LARS1: variants seen among roughly 807,000 people sequenced by gnomAD.
LARS1 encodes leucyl-tRNA synthetase 1.
Under a neutral mutation model 162.8 loss-of-function variants are expected in LARS1, and 100 were observed. The observed-to-expected ratio is 0.61, with a 90% CI of 0.52 to 0.73. LARS1 has a LOEUF of 0.73. Ranked by LOEUF, LARS1 falls within the 30% of genes least tolerant of loss-of-function variation. The pLI, the probability that LARS1 is intolerant of heterozygous loss-of-function variation, is 0.00. For synonymous variants in LARS1, 457 were observed against 462.8 expected (o/e 0.99, Z 0.16); for missense variants, 1,258 against 1,408.9 (o/e 0.89, Z 1.71).
In LARS1 at chr5:146,160,469, G is replaced by A; in HGVS notation, c.612C>T (p.Ser204=). The stretch of plus-strand genomic sequence containing the variant: ...AAGGATTAACATCAGTGGTGATGAA[G>A]GAACGACGCCAGTCTACCTATAAAA... ...RMGLKVDWRR[S]FITTDVNPYY... The change falls in exon 7 of 32, where the codon TCC becomes TCT. Residue 204 remains serine (S), a synonymous_variant. Coordinates refer to ENST00000394434, the MANE Select transcript of LARS1 (RefSeq NM_020117.11). The A allele has an allele frequency of 2.6e-6, 4 of 1,551,446 alleles. No homozygotes were observed. The highest frequency in any genetic ancestry group is 2.5e-5 in the East Asian group (1 of 40,142).
chr5:146,148,841 C>T (rs567220009), intron 15 of LARS1, among the ~76,000 whole-genome samples: 2 of 152,030 alleles, frequency 1.3e-5, no homozygotes, highest in Admixed American at 1.3e-4. Flanking sequence ...TTTGGGAGGC[C>T]AAGGCGAGTG....
chr5:146,146,165 A>G (rs1279708744), intron 15 of LARS1, among the ~76,000 whole-genome samples: 1 of 152,046 alleles, frequency 6.6e-6, no homozygotes, highest in Non-Finnish European at 1.5e-5. Context: ...ACATGGAGAA[A>G]CCCCGTCTCT....
At chr5:146,172,081 C>A (rs1754308152) in intron 3 of LARS1, 91 bp from the exon 4 acceptor site, 1 of 1,103,008 alleles carries the variant, frequency 9.1e-7, no homozygotes, top group Admixed American at 2.0e-5. Context: ...TAGTTTTCTT[C>A]TTTACATCCT....
intron 15 of LARS1, among the ~76,000 whole-genome samples, chr5:146,146,767 G>A (rs921100276): frequency 6.6e-6 from 1 of 151,264 alleles, no homozygotes; most frequent in African/African-American, 2.4e-5. Flanking sequence ...AGACTGGAGT[G>A]TGGTGGCGCC....
At chr5:146,149,106 A>C in intron 15 of LARS1, among the ~76,000 whole-genome samples, 1 of 152,162 alleles carries the variant, frequency 6.6e-6, no homozygotes, top group East Asian at 1.9e-4. Context: ...TCAATACTAA[A>C]ACGATTAAAT....
In LARS1 at chr5:146,113,906, C is replaced by T; in HGVS notation, c.*200G>A. 1 of 533,498 alleles carries T rather than the reference C, an allele frequency of 1.9e-6. No individual in the cohort carries two copies. Among genetic ancestry groups the T allele is most frequent in the South Asian group, 2.8e-5 (1 of 35,140 alleles). The allele number at this position is 533,498 out of a possible 1,614,324, so 33.0% of individuals were successfully genotyped here. On this transcript the variant is annotated 3_prime_UTR_variant, in exon 32 of 32. Coordinates refer to ENST00000394434, the MANE Select transcript of LARS1 (RefSeq NM_020117.11). ...GGCAAAAACCATTTCTCTTGGACACCCAAAGAAAGGGAAAAAAAATTTATT... is the reference window on the plus strand; with the variant it reads ...GGCAAAAACCATTTCTCTTGGACACTCAAAGAAAGGGAAAAAAAATTTATT...
chr5:146,145,068 T>A (rs951126902), intron 15 of LARS1, among the ~76,000 whole-genome samples: 1 of 152,040 alleles, frequency 6.6e-6, no homozygotes, highest in Non-Finnish European at 1.5e-5. Flanking sequence ...TGGGGTTTTA[T>A]GTTTTTTTTG....
At chr5:146,180,015 A>G (rs1754763059) in intron 1 of LARS1, among the ~76,000 whole-genome samples, 1 of 152,262 alleles carries the variant, frequency 6.6e-6, no homozygotes. Context: ...CTCAACAGGC[A>G]GGAACTTTTA....
intron 31 of LARS1, among the ~76,000 whole-genome samples, chr5:146,115,581 CAAAAA>C (rs58644900): frequency 0.022 from 461 of 20,558 alleles, 2 homozygotes; most frequent in African/African-American, 0.053. Context: ...AGCGCCTGAC[CAAAAA>C]AAAAAAAAAA....
intron 20 of LARS1, among the ~76,000 whole-genome samples, chr5:146,140,983 T>C (rs1752754355): frequency 6.6e-6 from 1 of 152,144 alleles, no homozygotes; most frequent in African/African-American, 2.4e-5. Context: ...AATAGAGATA[T>C]CAGATGCTGG....
intron 21 of LARS1, chr5:146,138,982 G>A: frequency 2.6e-6 from 1 of 377,616 alleles, no homozygotes; most frequent in Non-Finnish European, 5.2e-6. Context: ...CAGAATCGGA[G>A]TGATGCTGTA....
chr5:146,165,834 G>C (rs1391355152), intron 5 of LARS1, among the ~76,000 whole-genome samples: 1 of 152,068 alleles, frequency 6.6e-6, no homozygotes, highest in Middle Eastern at 3.2e-3. Flanking sequence ...GTCTAGGATG[G>C]AACAAATAAA....
chr5:146,149,496 G>T, intron 15 of LARS1, 126 bp downstream of exon 15: 1 of 713,502 alleles, frequency 1.4e-6, no homozygotes, highest in Non-Finnish European at 2.5e-6. Flanking sequence ...TCTATTTTCT[G>T]CCGCAAAACT....
chr5:146,126,008 C>A (rs1284906864), intron 28 of LARS1, among the ~76,000 whole-genome samples: 2 of 151,918 alleles, frequency 1.3e-5, no homozygotes, highest in Admixed American at 6.6e-5. Flanking sequence ...ACTATCTAGC[C>A]CAAAATACCA....
rs1561791190 is a variant in LARS1, at chr5:146,114,100, A to G, written c.*6T>C. The G allele has an allele frequency of 6.2e-7, 1 of 1,603,230 alleles. No homozygotes were observed. The highest frequency in any genetic ancestry group is 1.1e-5 in the South Asian group (1 of 90,846). ...AAACCAGGATAAATCTCCAATGTGC[A>G]TGAGTTTAATGAACCAGATAGATTA... On this transcript the variant is annotated 3_prime_UTR_variant, in exon 32 of 32. Transcript: ENST00000394434.
At chr5:146,135,176 T>A (rs892185875) in intron 22 of LARS1, among the ~76,000 whole-genome samples, 1 of 151,606 alleles carries the variant, frequency 6.6e-6, no homozygotes, top group African/African-American at 2.4e-5. Context: ...AGCTAATTTT[T>A]TTTTTTTTTT....
intron 15 of LARS1, among the ~76,000 whole-genome samples, chr5:146,146,498 G>C (rs1024923894): frequency 1.1e-4 from 6 of 55,374 alleles, no homozygotes; most frequent in African/African-American, 4.6e-4. Flanking sequence ...ATAGAGGTTA[G>C]AACCCCATAT....
At chr5:146,136,542 G>A (rs11959805) in intron 21 of LARS1, among the ~76,000 whole-genome samples, 33,639 of 150,296 alleles carry the variant, frequency 0.22, 4,803 homozygotes, top group Admixed American at 0.34. Flanking sequence ...GTGCAGTGGC[G>A]CAATCTTGGC....
chr5:146,142,913 T>C lies in LARS1; in HGVS notation c.2049A>G (p.Ser683=), dbSNP rs929587002. 6.8e-6 allele frequency: 11 copies of C among 1,613,920 alleles called. No homozygotes were observed. Among genetic ancestry groups the C allele is most frequent in the South Asian group, 3.3e-5 (3 of 91,076 alleles). ...TAGCCACATGATTATAAAGGTAATA[T>C]GAAAGATGATTTGGAACAAGATCCT... ...SGKDLVPNHL[S]YYLYNHVAMW... Residue 683 remains serine, a synonymous_variant, in exon 20 of 32, where the codon TCA becomes TCG. Coordinates refer to ENST00000394434, the MANE Select transcript of LARS1 (RefSeq NM_020117.11).
Sources: allele counts gnomAD v4.1 joint callset (sites outside exome capture counted in the v4.1 genomes callset), GRCh38; gene constraint gnomAD v4.1.1; transcripts MANE v1.5; gene names NCBI Gene and HGNC (gene_info 2026-07-23, HGNC 2026-07-21).